TBCD: variants seen among roughly 807,000 people sequenced by gnomAD.
TBCD encodes tubulin folding cofactor D.
In TBCD, 105 loss-of-function variants were observed where a neutral mutation model predicts 169.3. That is an observed-to-expected ratio of 0.62 (90% CI 0.53 to 0.73). The LOEUF (loss-of-function observed/expected upper bound fraction) is 0.73. Among genes scored for constraint, TBCD ranks in the 30% least tolerant of loss-of-function variants. The probability of loss-of-function intolerance (pLI) is 0.00; values close to 1 mark genes in which losing one functional copy is unlikely to be tolerated. For missense variants in TBCD, 1,444 were observed against 1,600.1 expected (o/e 0.90, Z 1.66); for synonymous variants, 700 against 643.9 (o/e 1.09, Z -1.32).
chr17:82,871,252 G>A (rs1042388690), intron 14 of TBCD, among the ~76,000 whole-genome samples: 3 of 152,100 alleles, frequency 2.0e-5, no homozygotes, highest in Non-Finnish European at 2.9e-5. Flanking sequence ...CCCAGCGCAG[G>A]AAACGATTCA....
chr17:82,899,327 G>T (rs1053645657), intron 17 of TBCD, among the ~76,000 whole-genome samples: 1 of 151,382 alleles, frequency 6.6e-6, no homozygotes, highest in African/African-American at 2.4e-5. Flanking sequence ...CAGCGCGCGC[G>T]TCCTCAGCTC....
chr17:82,830,938 A>C, intron 13 of TBCD: 10 of 1,613,268 alleles, frequency 6.2e-6, no homozygotes, highest in Non-Finnish European at 8.5e-6. Context: ...TGCGTGAAGC[A>C]GTGTGAGCAA....
intron 6 of TBCD, among the ~76,000 whole-genome samples, chr17:82,777,098 C>T (rs181677885): frequency 6.0e-4 from 92 of 152,068 alleles, no homozygotes; most frequent in Non-Finnish European, 1.0e-3. Flanking sequence ...AATGTCAAAC[C>T]GTTTTTTTCT....
At chr17:82,855,790 G>A (rs1301503347) in intron 13 of TBCD, among the ~76,000 whole-genome samples, 2 of 152,004 alleles carry the variant, frequency 1.3e-5, no homozygotes, top group Non-Finnish European at 2.9e-5. Flanking sequence ...GACACATCAC[G>A]ACACATGACT....
intron 34 of TBCD, among the ~76,000 whole-genome samples, chr17:82,933,163 G>A (rs977180121): frequency 5.9e-5 from 9 of 152,146 alleles, no homozygotes; most frequent in Non-Finnish European, 1.3e-4. Context: ...CCTTGCTTCT[G>A]CGCCACGCGG....
At chr17:82,768,645 C>T (rs1160604203) in intron 5 of TBCD, 79 bp downstream of exon 5, 25 of 1,492,288 alleles carry the variant, frequency 1.7e-5, no homozygotes, top group East Asian at 1.2e-4. Context: ...GTGGTTTACT[C>T]GGTAAGCTTC....
Position 82,890,164 on chromosome 17 carries a change from G to T in TBCD, c.1563+467G>T, listed in dbSNP as rs538039576. Among the ~76,000 whole-genome samples, 1 of 152,218 alleles carries T rather than the reference G, an allele frequency of 6.6e-6. No homozygotes were observed. The highest frequency in any genetic ancestry group is 6.5e-5 in the Admixed American group (1 of 15,286). ...ACATCATGCTGGGGCTGCTTTTGCT[G>T]TGCCCTCTGACCCTGACATCTGGTC... On this transcript the variant is annotated intron_variant, in intron 16 of 38. Transcript: ENST00000355528. The surrounding 1 kb of genome is among the most constrained non-coding windows in gnomAD (Gnocchi z 5.3).
chr17:82,815,298 A>G (rs556460603), intron 13 of TBCD, among the ~76,000 whole-genome samples: 26 of 152,164 alleles, frequency 1.7e-4, no homozygotes, highest in African/African-American at 6.3e-4. Context: ...TACTCCCCAA[A>G]ACCGGTTTTC....
intron 13 of TBCD, among the ~76,000 whole-genome samples, chr17:82,849,913 CTGTTGTTGGCTGTTT>C (rs2055513164): frequency 1.3e-5 from 2 of 151,282 alleles, no homozygotes; most frequent in African/African-American, 2.4e-5. Context: ...GTTGGCTGTG[CTGTTGTTGGCTGTTT>C]TGCTGTTGGC....
chr17:82,905,189 A>G (rs1415681813), intron 19 of TBCD, among the ~76,000 whole-genome samples: 1 of 152,100 alleles, frequency 6.6e-6, no homozygotes, highest in Non-Finnish European at 1.5e-5. Context: ...CGCCCCCTCC[A>G]CCGCCCAGGC....
Position 82,829,932 on chromosome 17 carries a change from C to A in TBCD, c.1318+14998C>A, listed in dbSNP as rs889550429. The A allele has an allele frequency of 3.8e-6, 3 of 788,028 alleles. No individual in the cohort carries two copies. The African/African-American group carries it at 5.2e-5, about 14-fold the overall frequency. 48.8% of individuals were successfully genotyped at this position (788,028 alleles called of 1,614,324 possible). A position where few individuals can be genotyped will look rare whatever the true frequency, so the allele number is the denominator to read the frequency against. On this transcript the variant is annotated intron_variant, in intron 13 of 38. Coordinates refer to ENST00000355528, the MANE Select transcript of TBCD (RefSeq NM_005993.5). ...TAGAGTCATTCAGGTGTTTTTACAA[C>A]CAAAAGTAGAAGCACCTTTTAATAT...
In TBCD at chr17:82,915,919, C is replaced by T. The variant is rs1039055120; in HGVS notation, c.2038+4130C>T. Among the ~76,000 whole-genome samples the T allele has an allele frequency of 2.6e-5, 4 of 152,210 alleles. No individual in the cohort carries two copies. Among genetic ancestry groups the T allele is most frequent in the Admixed American group, 2.6e-4 (4 of 15,288 alleles). On this transcript the variant is annotated intron_variant, in intron 23 of 38. Coordinates refer to ENST00000355528, the MANE Select transcript of TBCD (RefSeq NM_005993.5). This position sits in a 1 kb window ranked among gnomAD's most constrained non-coding sequence, Gnocchi z 4.3. ...GGCTCCGTGCTCCATCTCTGATGCC[C>T]TGTACACACCTGCCACCTCCCCTGT...
chr17:82,822,371 G>T (rs1353647032), intron 13 of TBCD, among the ~76,000 whole-genome samples: 2 of 152,244 alleles, frequency 1.3e-5, no homozygotes, highest in Non-Finnish European at 2.9e-5. Flanking sequence ...GCCAACCAGT[G>T]ACTTGAATAA....
At chr17:82,830,555 TC>T (rs1457922214) in intron 13 of TBCD, 3 of 1,614,026 alleles carry the variant, frequency 1.9e-6, no homozygotes. Flanking sequence ...GAACCTTCTG[TC>T]CCAGTCTTCT....
intron 13 of TBCD, among the ~76,000 whole-genome samples, chr17:82,843,313 TTCCCC>T (rs1268040966): frequency 5.2e-5 from 7 of 133,680 alleles, no homozygotes; most frequent in African/African-American, 1.1e-4. Flanking sequence ...TACCCTTCCC[TTCCCC>T]TCCCCTCCCC....
At chr17:82,912,456 C>T (rs969770259) in intron 23 of TBCD, among the ~76,000 whole-genome samples, 2 of 152,248 alleles carry the variant, frequency 1.3e-5, no homozygotes, top group African/African-American at 4.8e-5. Context: ...CATAGACATT[C>T]CTGATGGCAG....
rs2048984907 is a variant in TBCD at position 82,782,104 on chromosome 17, C to T, written c.771+383C>T. ...TGAAATTTGATTCTGTTCCTTTGCA[C>T]TGGGCTCGGGTTGGATGTTCCTGAC... On this transcript the variant is annotated intron_variant, in intron 7 of 38. Coordinates refer to ENST00000355528, the MANE Select transcript of TBCD (RefSeq NM_005993.5). The surrounding 1 kb of genome is among the most constrained non-coding windows in gnomAD (Gnocchi z 5.1). Among the ~76,000 whole-genome samples the T allele has an allele frequency of 6.6e-6, 1 of 152,234 alleles. No homozygotes were observed.
Position 82,756,847 on chromosome 17 carries a change from G to T in TBCD, c.235+632G>T, listed in dbSNP as rs79986839. ...CATTTGGGCACATGATGTTTTTCTG[G>T]TAATAGTCATACAGGGTCAGGTGTT... On this transcript the variant is annotated intron_variant, in intron 2 of 38. Coordinates refer to ENST00000355528, the MANE Select transcript of TBCD (RefSeq NM_005993.5). 1.6e-4 allele frequency among the ~76,000 whole-genome samples: 25 copies of T among 152,242 alleles called. No homozygotes were observed. The East Asian group carries it at 4.2e-3, about 26-fold the overall frequency.
chr17:82,830,024 A>G (rs2053334383), intron 13 of TBCD: 2 of 1,489,838 alleles, frequency 1.3e-6, no homozygotes, highest in African/African-American at 2.8e-5. Context: ...TGTTTTTTTG[A>G]GAAGCAGCAG....
Sources: allele counts gnomAD v4.1 joint callset (sites outside exome capture counted in the v4.1 genomes callset), GRCh38; gene constraint gnomAD v4.1.1; non-coding constraint Gnocchi (gnomAD v3.1); transcripts MANE v1.5; gene names NCBI Gene and HGNC (gene_info 2026-07-23, HGNC 2026-07-21).